DPEP2: variants seen among roughly 807,000 people sequenced by gnomAD.
DPEP2 encodes the protein dipeptidase 2.
In DPEP2, 45 loss-of-function variants were observed where a neutral mutation model predicts 51.8. That is an observed-to-expected ratio of 0.87 (90% CI 0.68 to 1.11). DPEP2 has a LOEUF of 1.11. Ranked by LOEUF, DPEP2 falls within the 50% of genes most tolerant of loss-of-function variation. The probability of loss-of-function intolerance (pLI) is 0.00; values close to 1 mark genes in which losing one functional copy is unlikely to be tolerated. For missense variants in DPEP2, 604 were observed against 631.9 expected (o/e 0.96, Z 0.47); for synonymous variants, 255 against 262.7 (o/e 0.97, Z 0.28).
chr16:67,995,790 C>T (rs915525953), intron 1 of DPEP2, among the ~76,000 whole-genome samples: 7 of 152,066 alleles, frequency 4.6e-5, no homozygotes, highest in Non-Finnish European at 8.8e-5. Flanking sequence ...ATGGGGAAAC[C>T]CCATCTCTAT....
chr16:67,992,364 C>T, intron 3 of DPEP2, 146 bp downstream of exon 3: 1 of 1,435,608 alleles, frequency 7.0e-7, no homozygotes, highest in Non-Finnish European at 9.4e-7. Flanking sequence ...GTAGCCTCTG[C>T]AGCCCCCAGC....
chr16:67,991,924 C>A lies in DPEP2; in HGVS notation c.576G>T (p.Ser192=). 4.3e-6 allele frequency: 7 copies of A among 1,614,150 alleles called. No homozygotes were observed. The highest frequency in any genetic ancestry group is 5.9e-6 in the Non-Finnish European group (7 of 1,180,040). ...ACLIGVEGGH[S]LDNSLSILRT... The stretch of plus-strand genomic sequence containing the variant: ...GTAAGATGGAGAGGCTATTGTCCAG[C>A]GAGTGGCCACCCTCTACACCGATGA... Residue 192 remains serine, a synonymous_variant, in exon 5 of 11, where the codon TCG becomes TCT. Coordinates refer to ENST00000393847, the MANE Select transcript of DPEP2 (RefSeq NM_022355.4). The surrounding 1 kb of genome is among the most constrained non-coding windows in gnomAD (Gnocchi z 5.1).
chr16:67,998,097 G>C (rs1463445189), intron 1 of DPEP2, among the ~76,000 whole-genome samples: 1 of 152,012 alleles, frequency 6.6e-6, no homozygotes, highest in East Asian at 1.9e-4. Flanking sequence ...TCCTCTGCCT[G>C]GGCTCCCACT....
chr16:67,998,446 T>TC (rs774895288), intron 1 of DPEP2, among the ~76,000 whole-genome samples: 8 of 152,294 alleles, frequency 5.3e-5, no homozygotes, highest in African/African-American at 1.9e-4. Context: ...TTAGCTGCCT[T>TC]CCCGGGGGGG....
chr16:67,992,122 G>A lies in DPEP2; in HGVS notation c.462C>T (p.Asp154=), dbSNP rs2032244060. The change falls in exon 4 of 11, where the codon GAC becomes GAT. Residue 154 remains aspartate (D), a synonymous_variant. Coordinates refer to ENST00000393847, the MANE Select transcript of DPEP2 (RefSeq NM_022355.4). ...AGGAGGCACACATGCGGCGTATGAG[G>A]TCAATCTGCTCCAGGGTGAGGCGCA... ...DALRLTLEQI[D]LIRRMCASYS... is the part of the protein sequence containing the mutation. 6.2e-7 allele frequency: 1 copy of A among 1,614,182 alleles called. No homozygotes were observed. The highest frequency in any genetic ancestry group is 2.2e-5 in the East Asian group (1 of 44,880).
chr16:67,993,019 C>T lies in DPEP2; in HGVS notation c.194G>A (p.Ser65Asn). ...TTGCAGGCCCTGGGTGCTGGGACTA[C>T]TGAGTGTGGTCGAGGGAGCGTAGGT... Reference protein sequence around the residue: ...PGTYAPSTTLSSPSTQGLQEQ... With the variant: ...PGTYAPSTTLNSPSTQGLQEQ... Residue 65 changes from serine (S) to asparagine (N), a missense_variant, in exon 2 of 11, where the codon AGT becomes AAT. Transcript: ENST00000393847. 2 of 1,603,362 alleles carry T rather than the reference C, an allele frequency of 1.2e-6. No individual in the cohort carries two copies. Among genetic ancestry groups the T allele is most frequent in the South Asian group, 2.2e-5 (2 of 89,296 alleles).
upstream of DPEP2, chr16:68,000,399 G>T: frequency 1.0e-6 from 1 of 979,860 alleles, no homozygotes; most frequent in Non-Finnish European, 1.2e-6. Flanking sequence ...AGCTGCACAG[G>T]CTGCCTCCCA....
upstream of DPEP2, chr16:67,999,610 G>T: frequency 3.7e-6 from 2 of 538,772 alleles, no homozygotes; most frequent in Non-Finnish European, 4.7e-6. Flanking sequence ...AGCCCACGAT[G>T]CCTGGCCTGT....
chr16:67,994,801 C>G (rs1221938593), intron 1 of DPEP2: 3 of 985,168 alleles, frequency 3.0e-6, no homozygotes, highest in Non-Finnish European at 3.6e-6. Flanking sequence ...AGGGACTGCA[C>G]ACTTGATGTT....
chr16:67,993,043 G>A lies in DPEP2; in HGVS notation c.170C>T (p.Thr57Ile), dbSNP rs2032379106. The A allele has an allele frequency of 1.9e-6, 3 of 1,584,086 alleles. No homozygotes were observed. The East Asian group carries it at 6.9e-5, about 37-fold the overall frequency. Residue 57 changes from threonine to isoleucine, a missense_variant, in exon 2 of 11, where the codon ACC becomes ATC. Thr to Ile is a moderately conservative substitution (Grantham distance 89). Coordinates refer to ENST00000393847, the MANE Select transcript of DPEP2 (RefSeq NM_022355.4). ...ACTGAGTGTGGTCGAGGGAGCGTAGGTGCCCGGCATGGTGTGGGCTCTGGG... is the reference window on the plus strand; with the variant it reads ...ACTGAGTGTGGTCGAGGGAGCGTAGATGCCCGGCATGGTGTGGGCTCTGGG... ...GAPRAHTMPG[T>I]YAPSTTLSSP...
In DPEP2 at chr16:67,987,616, G is replaced by T. The variant is rs772202768; in HGVS notation, c.1351C>A (p.His451Asn). Residue 451 changes from histidine (H) to asparagine (N), a missense_variant, in exon 11 of 11, where the codon CAC becomes AAC. Coordinates refer to ENST00000393847, the MANE Select transcript of DPEP2 (RefSeq NM_022355.4). ...TTGGCTGGTAACTTGGCTGTCCAGT[G>T]TATGGGAATCTCAGTGAGTTCCTGG... ...SGQELTEIPI[H>N]WTAKLPAKWS... 6.2e-7 allele frequency: 1 copy of T among 1,614,202 alleles called. No homozygotes were observed. Among genetic ancestry groups the T allele is most frequent in the South Asian group, 1.1e-5 (1 of 91,084 alleles).
rs1040406359 is a variant in DPEP2, at chr16:67,987,406, A to G, written c.*100T>C. 25 of 1,498,724 alleles carry G rather than the reference A, an allele frequency of 1.7e-5. No individual in the cohort carries two copies. Among genetic ancestry groups the G allele is most frequent in the East Asian group, 9.1e-5 (4 of 43,898 alleles). The allele number at this position is 1,498,724 out of a possible 1,614,324, so 92.8% of individuals were successfully genotyped here. On this transcript the variant is annotated 3_prime_UTR_variant, in exon 11 of 11. Transcript: ENST00000393847. ...AAACTCAGGTCTGTTTCTATGTCCA[A>G]AACATTTATTTCAGGAAATATTTGT... is the stretch of plus-strand genomic sequence containing the variant.
chr16:67,998,144 C>A (rs866890877), intron 1 of DPEP2, among the ~76,000 whole-genome samples: 3 of 152,232 alleles, frequency 2.0e-5, no homozygotes, highest in Non-Finnish European at 2.9e-5. Context: ...CCCACCGCTG[C>A]ACTGTAGGAG....
Position 67,991,845 on chromosome 16 carries a change from T to C in DPEP2, c.655A>G (p.Thr219Ala). ...CATCTGCACTAGGCTCACCAGGGTG[T>C]GTTGCAGGTGTGGGTGAGCGTCAGG... is the stretch of plus-strand genomic sequence containing the variant. ...RYLTLTHTCN[T>A]PWAESSAKGV... Residue 219 changes from threonine to alanine, a missense_variant, in exon 5 of 11, where the codon ACA becomes GCA. Thr to Ala is a moderately conservative substitution (Grantham distance 58). Transcript: ENST00000393847. This position sits in a 1 kb window ranked among gnomAD's most constrained non-coding sequence, Gnocchi z 5.1. The C allele has an allele frequency of 6.2e-7, 1 of 1,614,026 alleles. No individual in the cohort carries two copies. Among genetic ancestry groups the C allele is most frequent in the Non-Finnish European group, 8.5e-7 (1 of 1,179,966 alleles).
Position 67,993,452 on chromosome 16 carries a change from C to T in DPEP2, c.-45-195G>A, listed in dbSNP as rs1023853459. 6 of 1,252,102 alleles carry T rather than the reference C, an allele frequency of 4.8e-6. No individual in the cohort carries two copies. The African/African-American group carries it at 6.2e-5, about 13-fold the overall frequency. The allele number at this position is 1,252,102 out of a possible 1,614,324, so 77.6% of individuals were successfully genotyped here. A position where few individuals can be genotyped will look rare whatever the true frequency, so the allele number is the denominator to read the frequency against. On this transcript the variant is annotated intron_variant, in intron 1 of 10. Transcript: ENST00000393847. ...TCCCGCCGTCATCCCCAAGGGCGCT[C>T]CCGCCGGCTGGGCGGATCCCTGTCC...
At chr16:67,993,666 T>A (rs2032470251) in intron 1 of DPEP2, 9 of 988,104 alleles carry the variant, frequency 9.1e-6, no homozygotes, top group Non-Finnish European at 1.1e-5. Flanking sequence ...GACCACGTCA[T>A]GTCCCCAACC....
At chr16:67,993,876 C>G (rs952315846) in intron 1 of DPEP2, 1 of 985,344 alleles carries the variant, frequency 1.0e-6, no homozygotes, top group Non-Finnish European at 1.2e-6. Context: ...GTAACTTAGG[C>G]CCTCAAGCCT....
intron 9 of DPEP2, 76 bp from the exon 10 acceptor site, chr16:67,988,063 A>C: frequency 1.3e-6 from 2 of 1,594,362 alleles, no homozygotes. Flanking sequence ...AGGGTCTATG[A>C]AACCCCAGCC....
Position 67,990,809 on chromosome 16 carries a change from G to C in DPEP2, c.909+12C>G, listed in dbSNP as rs2032039411. 1.2e-6 allele frequency: 2 copies of C among 1,607,920 alleles called. No individual in the cohort carries two copies. Among genetic ancestry groups the C allele is most frequent in the Non-Finnish European group, 1.7e-6 (2 of 1,175,698 alleles). On this transcript the variant is annotated intron_variant, in intron 7 of 10. Coordinates refer to ENST00000393847, the MANE Select transcript of DPEP2 (RefSeq NM_022355.4). Reference sequence around the variant, plus strand: ...CTCTTGCTTTAGGTTCCTGGGCTGGGCAGTTTCTCACCAGAAGCTGCAGGA... The same window carrying C: ...CTCTTGCTTTAGGTTCCTGGGCTGGCCAGTTTCTCACCAGAAGCTGCAGGA...
Sources: gnomAD v4.1 joint callset for allele counts (sites outside exome capture counted in the v4.1 genomes callset) on GRCh38, gnomAD v4.1.1 for gene constraint, Gnocchi (gnomAD v3.1) non-coding constraint, MANE v1.5 for transcripts, NCBI Gene and HGNC (gene_info 2026-07-23, HGNC 2026-07-21) for gene names.